The following PUS10 variants were observed in gnomAD, a reference collection of about 807,000 sequenced individuals.
PUS10 encodes pseudouridine synthase 10.
In PUS10, 59 loss-of-function variants were observed where a neutral mutation model predicts 75.0. The observed-to-expected ratio is 0.79, with a 90% confidence interval of 0.64 to 0.98. The LOEUF is 0.98. Among genes scored for constraint, PUS10 ranks in the 50% least tolerant of loss-of-function variants. The pLI is 0.00. For missense variants in PUS10, 650 were observed against 614.4 expected, an observed-to-expected ratio of 1.06 and a Z score of -0.61; for synonymous variants, 219 against 211.6, an observed-to-expected ratio of 1.03 and a Z score of -0.30.
At chr2:61,012,631 C>A (rs1679676903) in intron 1 of PUS10, among the ~76,000 whole-genome samples, 1 of 148,664 alleles carries the variant, frequency 6.7e-6, no homozygotes, top group Admixed American at 6.8e-5. Flanking sequence ...TGAGACCAGC[C>A]TAGCTAACAT....
intron 4 of PUS10, among the ~76,000 whole-genome samples, chr2:61,005,920 C>A (rs147912005): frequency 1.2e-4 from 18 of 152,236 alleles, no homozygotes; most frequent in African/African-American, 4.3e-4. Flanking sequence ...TAAATATAAA[C>A]GAATATGCTT....
intron 4 of PUS10, among the ~76,000 whole-genome samples, chr2:60,980,996 T>C (rs13393916): frequency 6.7e-4 from 102 of 152,072 alleles, no homozygotes; most frequent in African/African-American, 2.3e-3. Flanking sequence ...GCTCAAGCGA[T>C]TCTCCTGCCT....
chr2:61,017,857 T>C lies in PUS10; in HGVS notation c.-16+151A>G, dbSNP rs1291662088. The C allele has an allele frequency of 3.2e-6, 5 of 1,549,818 alleles. No individual in the cohort carries two copies. The highest frequency in any genetic ancestry group is 4.4e-6 in the Non-Finnish European group (5 of 1,146,444). ...GGACCGGGCCCCACTTTCCAGTGAG[T>C]GTGGGATTCTTCAGGCTGTGAGTTT... On this transcript the variant is annotated intron_variant, in intron 1 of 17. Transcript: ENST00000316752.
chr2:60,988,317 G>T (rs755849133), intron 4 of PUS10, among the ~76,000 whole-genome samples: 1 of 151,944 alleles, frequency 6.6e-6, no homozygotes, highest in Non-Finnish European at 1.5e-5. Flanking sequence ...TTGCCAAAAA[G>T]AATATAAACT....
intron 4 of PUS10, among the ~76,000 whole-genome samples, chr2:60,996,565 A>C (rs1194908242): frequency 6.6e-6 from 1 of 152,122 alleles, no homozygotes; most frequent in African/African-American, 2.4e-5. Flanking sequence ...AAAACATATG[A>C]AAATACACAA....
At chr2:60,989,559 CAGAT>C (rs1677945970) in intron 4 of PUS10, among the ~76,000 whole-genome samples, 1 of 152,166 alleles carries the variant, frequency 6.6e-6, no homozygotes, top group South Asian at 2.1e-4. Context: ...TAAATGAAGA[CAGAT>C]AGCTCAGTAT....
chr2:60,944,934 A>T, intron 17 of PUS10, 75 bp downstream of exon 17: 1 of 1,047,986 alleles, frequency 9.5e-7, no homozygotes, highest in Non-Finnish European at 1.5e-6. Flanking sequence ...TGATACTAAA[A>T]TGGCTTAATG....
intron 10 of PUS10, among the ~76,000 whole-genome samples, chr2:60,960,718 A>C (rs576494257): frequency 1.3e-5 from 2 of 152,320 alleles, no homozygotes; most frequent in African/African-American, 4.8e-5. Context: ...TTAAAGTAAC[A>C]ATAAAATAGA....
In PUS10 at chr2:60,962,864, C is replaced by A; in HGVS notation, c.750G>T (p.Met250Ile). 1 of 1,569,826 alleles carries A rather than the reference C, an allele frequency of 6.4e-7. No individual in the cohort carries two copies. The highest frequency in any genetic ancestry group is 8.6e-7 in the Non-Finnish European group (1 of 1,164,372). The change falls in exon 9 of 18, where the codon ATG becomes ATT. Residue 250 changes from methionine to isoleucine, a missense_variant. Met to Ile is a conservative substitution (Grantham distance 10). Coordinates refer to ENST00000316752, the MANE Select transcript of PUS10 (RefSeq NM_144709.4). ...KQSVFTRMAVMKALNKIKEED... is the reference protein window; with the variant it reads ...KQSVFTRMAVIKALNKIKEED... ...CTTCCTTTATCTTATTCAAGGCTTT[C>A]ATAACTGCCATTCTAGTGAATACAG... is the stretch of plus-strand genomic sequence containing the variant.
chr2:61,014,302 C>G (rs1423486298), intron 1 of PUS10, among the ~76,000 whole-genome samples: 2 of 151,858 alleles, frequency 1.3e-5, no homozygotes, highest in Non-Finnish European at 2.9e-5. Flanking sequence ...CACTTGAACC[C>G]CAGGAGGCGG....
chr2:60,965,275 T>G, intron 7 of PUS10, 148 bp downstream of exon 7: 1 of 982,068 alleles, frequency 1.0e-6, no homozygotes, highest in South Asian at 1.4e-5. Context: ...CAAGGACACA[T>G]TTTATTTTTT....
chr2:60,967,731 T>TC, intron 5 of PUS10, 118 bp from the exon 6 acceptor site: 2 of 623,728 alleles, frequency 3.2e-6, no homozygotes, highest in Non-Finnish European at 5.5e-6. Context: ...TACCAGGCAC[T>TC]ATTCTACACA....
rs1680137213 is a variant in PUS10 at position 61,018,120 on chromosome 2, G to C, written c.-128C>G. The C allele has an allele frequency of 1.3e-6, 2 of 1,547,490 alleles. No homozygotes were observed. The highest frequency in any genetic ancestry group is 2.4e-5 in the East Asian group (1 of 41,018). On this transcript the variant is annotated 5_prime_UTR_variant, in exon 1 of 18. Transcript: ENST00000316752. ...TGGGTCTCTGTGCTTGAAAGAAAGG[G>C]GGGCGGCTTCCTACCTACCGCTTCT...
chr2:60,997,339 G>A (rs534242873), intron 4 of PUS10, among the ~76,000 whole-genome samples: 1 of 152,110 alleles, frequency 6.6e-6, no homozygotes, highest in Non-Finnish European at 1.5e-5. Flanking sequence ...GGCCAGGCGC[G>A]GTGGCTCACG....
intron 9 of PUS10, 64 bp from the exon 10 acceptor site, chr2:60,961,612 TGA>T: frequency 7.4e-7 from 1 of 1,358,858 alleles, no homozygotes. Flanking sequence ...AAAACTTAGA[TGA>T]ATCAGCATTG....
rs530137541 is a variant in PUS10, at chr2:60,986,458, T to C, written c.469-14901A>G. Reference sequence around the variant, plus strand: ...TAGAGGTATTATGATATAGAATGAATGCTTTGTAAACTGTGAAATGCACAC... The same window carrying C: ...TAGAGGTATTATGATATAGAATGAACGCTTTGTAAACTGTGAAATGCACAC... On this transcript the variant is annotated intron_variant, in intron 4 of 17. Transcript: ENST00000316752. 1.1e-3 allele frequency among the ~76,000 whole-genome samples: 166 copies of C among 152,340 alleles called. 1 individual carries two copies. Among genetic ancestry groups the C allele is most frequent in the Non-Finnish European group, 1.2e-3 (85 of 68,026 alleles).
At chr2:60,965,805 A>G (rs947914792) in intron 6 of PUS10, 20 of 187,842 alleles carry the variant, frequency 1.1e-4, no homozygotes, top group African/African-American at 4.7e-4. Flanking sequence ...ATAAATAATA[A>G]CAGAGAGAAA....
At chr2:60,997,326 T>G in intron 4 of PUS10, among the ~76,000 whole-genome samples, 1 of 152,156 alleles carries the variant, frequency 6.6e-6, no homozygotes, top group South Asian at 2.1e-4. Flanking sequence ...AAGGACTTAG[T>G]GGGGCCAGGC....
chr2:60,944,959 T>C, intron 17 of PUS10, 50 bp downstream of exon 17: 1 of 1,368,544 alleles, frequency 7.3e-7, no homozygotes, highest in Non-Finnish European at 1.0e-6. Context: ...AGAGCATAAC[T>C]TTGGTTGAAT....
Sources: allele counts gnomAD v4.1 joint callset (sites outside exome capture counted in the v4.1 genomes callset), GRCh38; gene constraint gnomAD v4.1.1; transcripts MANE v1.5; gene names NCBI Gene and HGNC (gene_info 2026-07-23, HGNC 2026-07-21).